SPINT2: variants seen among roughly 807,000 people sequenced by gnomAD.
SPINT2 encodes serine peptidase inhibitor, Kunitz type 2, also known as kunitz-type protease inhibitor 2.
In SPINT2, 18 loss-of-function variants were observed where a neutral mutation model predicts 30.1. That is an observed-to-expected ratio of 0.60 (90% confidence interval 0.41 to 0.89). The LOEUF is 0.89. SPINT2 is among the 40% of genes least tolerant of loss of function. The pLI is 0.00. For missense variants in SPINT2, 276 were observed against 334.3 expected, an observed-to-expected ratio of 0.83 and a Z score of 1.36; for synonymous variants, 139 against 137.9, an observed-to-expected ratio of 1.01 and a Z score of -0.05.
At chr19:38,287,169 A>C (rs1968652051) in intron 2 of SPINT2, among the ~76,000 whole-genome samples, 2 of 151,864 alleles carry the variant, frequency 1.3e-5, no homozygotes, top group South Asian at 4.2e-4. Flanking sequence ...GATTACAGGC[A>C]TCTGCCATCA....
intron 1 of SPINT2, among the ~76,000 whole-genome samples, chr19:38,268,766 C>CGCGTGTGCGTGTGTGTGTGT (rs375982086): frequency 6.7e-6 from 1 of 149,818 alleles, no homozygotes; most frequent in Admixed American, 6.6e-5. Context: ...TGCGCGCGCG[C>CGCGTGTGCGTGTGTGTGTGT]GTGTGTGTGT....
intron 1 of SPINT2, among the ~76,000 whole-genome samples, chr19:38,271,491 A>C (rs1436540764): frequency 3.5e-5 from 5 of 142,178 alleles, no homozygotes; most frequent in African/African-American, 5.3e-5. Flanking sequence ...GACTCTCTCA[A>C]AAAAAAAAAA....
intron 2 of SPINT2, among the ~76,000 whole-genome samples, chr19:38,286,950 T>G (rs1968649261): frequency 1.3e-5 from 2 of 152,086 alleles, no homozygotes; most frequent in Non-Finnish European, 2.9e-5. Context: ...GGTATTACAG[T>G]TGAATTAGTT....
chr19:38,290,016 T>G lies in SPINT2; in HGVS notation c.392-103T>G. 1 of 1,269,132 alleles carries G rather than the reference T, an allele frequency of 7.9e-7. No individual in the cohort carries two copies. The highest frequency in any genetic ancestry group is 1.2e-5 in the South Asian group (1 of 83,206). 78.6% of individuals were successfully genotyped at this position (1,269,132 alleles called of 1,614,324 possible). A position where few individuals can be genotyped will look rare whatever the true frequency, so the allele number is the denominator to read the frequency against. On this transcript the variant is annotated intron_variant, in intron 4 of 6. Transcript: ENST00000301244. The surrounding 1 kb of genome is among the most constrained non-coding windows in gnomAD (Gnocchi z 4.3). ...CAGGCTTCTTTACCAGAGAGATGTTTCTCCGTCTGCTGGAGCCGCAAGCCT... is the reference window on the plus strand; with the variant it reads ...CAGGCTTCTTTACCAGAGAGATGTTGCTCCGTCTGCTGGAGCCGCAAGCCT...
intron 1 of SPINT2, among the ~76,000 whole-genome samples, chr19:38,268,766 C>CGCGCGTGTGTGTGTGTGTGTGTGT (rs375982086): frequency 4.0e-5 from 6 of 149,818 alleles, no homozygotes; most frequent in East Asian, 2.0e-4. Context: ...TGCGCGCGCG[C>CGCGCGTGTGTGTGTGTGTGTGTGT]GTGTGTGTGT....
intron 2 of SPINT2, among the ~76,000 whole-genome samples, chr19:38,287,343 C>T (rs28642085): frequency 2.6e-5 from 4 of 152,182 alleles, no homozygotes; most frequent in South Asian, 2.1e-4. Flanking sequence ...GGACTACAGG[C>T]GCGTGCCACC....
intron 2 of SPINT2, among the ~76,000 whole-genome samples, chr19:38,284,360 G>C (rs1968617644): frequency 6.6e-6 from 1 of 152,210 alleles, no homozygotes; most frequent in African/African-American, 2.4e-5. Flanking sequence ...CTTCCAAAGG[G>C]CTGAGATTAC....
intron 3 of SPINT2, chr19:38,288,933 A>G (rs1968676382): frequency 3.4e-6 from 2 of 580,860 alleles, no homozygotes; most frequent in Non-Finnish European, 6.2e-6. Context: ...AGGTGGCGGC[A>G]GGGCCACCAC....
rs142280326 is a variant in SPINT2, at chr19:38,275,058, C to T, written c.107-8569C>T. Among the ~76,000 whole-genome samples the T allele has an allele frequency of 1.2e-4, 18 of 152,224 alleles. No homozygotes were observed. In the East Asian group the frequency reaches 1.5e-3, roughly 13 times the overall value. On this transcript the variant is annotated intron_variant, in intron 1 of 6. Transcript: ENST00000301244. Reference sequence around the variant, plus strand: ...GACATTGAAAGAGCAAAGGATAAAACGTTGAAAGCTGATCCAGATCTAGAA... The same window carrying T: ...GACATTGAAAGAGCAAAGGATAAAATGTTGAAAGCTGATCCAGATCTAGAA...
intron 1 of SPINT2, among the ~76,000 whole-genome samples, chr19:38,273,839 G>GTAA (rs1452306563): frequency 6.6e-6 from 1 of 152,134 alleles, no homozygotes; most frequent in Non-Finnish European, 1.5e-5. Context: ...GGACTCTGTA[G>GTAA]TGAAATGTGT....
At chr19:38,282,620 T>C (rs1055764986) in intron 1 of SPINT2, among the ~76,000 whole-genome samples, 2 of 152,240 alleles carry the variant, frequency 1.3e-5, no homozygotes, top group African/African-American at 4.8e-5. Flanking sequence ...TTGGCTTTTG[T>C]TTCCCTTTTA....
In SPINT2 at chr19:38,291,862, C is replaced by A. The variant is rs372451580; in HGVS notation, c.615C>A (p.Phe205Leu). ...GSKVVVLAGL[F>L]VMVLILFLGA... ...CAGTGGTGGTTCTGGCGGGGCTGTT[C>A]GTGATGGTGTTGATCCTCTTCCTGG... is the stretch of plus-strand genomic sequence containing the variant. Residue 205 changes from phenylalanine (F) to leucine (L), a missense_variant, in exon 7 of 7, where the codon TTC becomes TTA. Transcript: ENST00000301244. The A allele has an allele frequency of 1.9e-6, 3 of 1,612,898 alleles. No individual in the cohort carries two copies. In the Admixed American group the frequency reaches 5.0e-5, roughly 27 times the overall value.
At chr19:38,271,181 A>T (rs1164626326) in intron 1 of SPINT2, among the ~76,000 whole-genome samples, 1 of 152,044 alleles carries the variant, frequency 6.6e-6, no homozygotes, top group East Asian at 1.9e-4. Context: ...GCTTTTTATG[A>T]TTAGAAGCCA....
In SPINT2 at chr19:38,288,698, G is replaced by A; in HGVS notation, c.338-440G>A. On this transcript the variant is annotated intron_variant, in intron 3 of 6. Coordinates refer to ENST00000301244, the MANE Select transcript of SPINT2 (RefSeq NM_021102.4). ...TGGCTTGCAGAGTGCTGGGGCGTTA[G>A]GGTGGTCACTTTCCAGCTTTGCTAG... is the stretch of plus-strand genomic sequence containing the variant. 3 of 227,866 alleles carry A rather than the reference G, an allele frequency of 1.3e-5. No individual in the cohort carries two copies. The South Asian group carries it at 1.8e-4, about 13-fold the overall frequency. The allele number at this position is 227,866 out of a possible 1,614,324, so 14.1% of individuals were successfully genotyped here.
intron 1 of SPINT2, chr19:38,265,304 C>T: frequency 4.4e-6 from 1 of 226,332 alleles, no homozygotes; most frequent in Non-Finnish European, 8.9e-6. Flanking sequence ...GGTGAGGAGC[C>T]GAATTGAAGA....
chr19:38,285,995 T>C (rs1218790632), intron 2 of SPINT2, among the ~76,000 whole-genome samples: 1 of 152,182 alleles, frequency 6.6e-6, no homozygotes, highest in Non-Finnish European at 1.5e-5. Context: ...AGTGGCTGTG[T>C]GTTCCTGGGA....
chr19:38,269,735 C>T (rs142413656), intron 1 of SPINT2, among the ~76,000 whole-genome samples: 8,837 of 151,652 alleles, frequency 0.058, 293 homozygotes, highest in East Asian at 0.095. Flanking sequence ...CTCAGCCTCC[C>T]GAGTACTGGG....
At position 38,282,516 on chromosome 19, in the gene SPINT2, T is replaced by C. The variant is rs530626555; in HGVS notation, c.107-1111T>C. 1.2e-4 allele frequency among the ~76,000 whole-genome samples: 19 copies of C among 152,346 alleles called. No individual in the cohort carries two copies. In the East Asian group the frequency reaches 3.5e-3, roughly 28 times the overall value. On this transcript the variant is annotated intron_variant, in intron 1 of 6. Coordinates refer to ENST00000301244, the MANE Select transcript of SPINT2 (RefSeq NM_021102.4). ...CTTCCAGTGGAAAGGCTTATTTTGGTGCAGGTGTTGCTTCTAGCAATTGTT... is the reference window on the plus strand; with the variant it reads ...CTTCCAGTGGAAAGGCTTATTTTGGCGCAGGTGTTGCTTCTAGCAATTGTT...
chr19:38,267,256 G>A (rs1029743704), intron 1 of SPINT2, among the ~76,000 whole-genome samples: 2 of 152,194 alleles, frequency 1.3e-5, no homozygotes, highest in African/African-American at 4.8e-5. Flanking sequence ...CTTAATCGGA[G>A]GCAGAAGGCA....
Sources: allele counts gnomAD v4.1 joint callset (sites outside exome capture counted in the v4.1 genomes callset), GRCh38; gene constraint gnomAD v4.1.1; non-coding constraint Gnocchi (gnomAD v3.1); transcripts MANE v1.5; gene names NCBI Gene and HGNC (gene_info 2026-07-23, HGNC 2026-07-21).